NME9: variants seen among roughly 807,000 people sequenced by gnomAD.
NME9 encodes thioredoxin domain-containing protein 6.
A neutral mutation model predicts 44.4 loss-of-function variants in NME9; 48 were observed. The observed-to-expected ratio is 1.08, with a 90% confidence interval of 0.86 to 1.37. The LOEUF (loss-of-function observed/expected upper bound fraction) is 1.37, where lower values mean the gene tolerates loss of function less well. NME9 is among the 40% of genes most tolerant of loss of function. The probability of loss-of-function intolerance (pLI) is 0.00; values close to 1 mark genes in which losing one functional copy is unlikely to be tolerated. For synonymous variants in NME9, 139 were observed against 147.1 expected (o/e 0.94, Z 0.40); for missense variants, 325 against 405.2 (o/e 0.80, Z 1.70).
chr3:138,329,437 T>C lies in NME9; in HGVS notation c.-102A>G. The C allele has an allele frequency of 6.6e-7, 1 of 1,522,830 alleles. No individual in the cohort carries two copies. The highest frequency in any genetic ancestry group is 2.5e-5 in the East Asian group (1 of 40,390). The allele number at this position is 1,522,830 out of a possible 1,614,324, so 94.3% of individuals were successfully genotyped here. On this transcript the variant is annotated 5_prime_UTR_variant, in exon 1 of 11. Coordinates refer to ENST00000333911, the MANE Select transcript of NME9 (RefSeq NM_001349018.2). ...TGGATCAGCAAGCCCAGAGCCTCCT[T>C]CAGACAAGCCCCCCTCCTACGGCCC...
chr3:138,323,749 G>GCA (rs2053605825), intron 2 of NME9, among the ~76,000 whole-genome samples: 1 of 152,164 alleles, frequency 6.6e-6, no homozygotes, highest in Admixed American at 6.5e-5. Flanking sequence ...TCAGATACAA[G>GCA]CACACTGAGC....
intron 8 of NME9, among the ~76,000 whole-genome samples, chr3:138,305,386 A>G (rs575838031): frequency 1.1e-4 from 16 of 152,316 alleles, no homozygotes; most frequent in African/African-American, 3.4e-4. Flanking sequence ...GCTGAAATAT[A>G]GTTGGTACTT....
chr3:138,322,352 A>G (rs1440888370), intron 2 of NME9, among the ~76,000 whole-genome samples: 2 of 141,424 alleles, frequency 1.4e-5, no homozygotes, highest in Non-Finnish European at 1.5e-5. Flanking sequence ...GCACCTTCAC[A>G]AAGTTATGGA....
intron 8 of NME9, chr3:138,274,520 A>G (rs1172495459): frequency 6.2e-7 from 1 of 1,613,090 alleles, no homozygotes; most frequent in African/African-American, 1.3e-5. Context: ...TAGAAGGGGA[A>G]CATAACATTG....
At chr3:138,325,063 ATCT>A (rs1163924856) in intron 1 of NME9, 133 bp from the exon 2 acceptor site, 1 of 701,482 alleles carries the variant, frequency 1.4e-6, no homozygotes, top group South Asian at 1.8e-5. Context: ...CCTCTCCCCC[ATCT>A]TCTTTTCTCC....
intron 2 of NME9, chr3:138,324,504 A>T (rs1482058437): frequency 1.1e-5 from 5 of 466,368 alleles, no homozygotes; most frequent in Non-Finnish European, 2.1e-5. Flanking sequence ...CTGCAGTCCC[A>T]GGTTCAAGTC....
At chr3:138,270,760 T>A (rs1050167353) in intron 8 of NME9, among the ~76,000 whole-genome samples, 1 of 152,186 alleles carries the variant, frequency 6.6e-6, no homozygotes, top group Non-Finnish European at 1.5e-5. Flanking sequence ...TTTTTAACAG[T>A]TTCTAGTAAA....
At chr3:138,265,396 A>G (rs1011097435) in intron 8 of NME9, among the ~76,000 whole-genome samples, 12 of 152,172 alleles carry the variant, frequency 7.9e-5, no homozygotes, top group Non-Finnish European at 2.9e-5. Context: ...AAGTGATCAT[A>G]TACCTTGCAT....
chr3:138,305,070 T>C, intron 8 of NME9, 43 bp from the exon 9 acceptor site: 1 of 1,582,356 alleles, frequency 6.3e-7, no homozygotes, highest in South Asian at 1.1e-5. Flanking sequence ...CAGGAGCTGC[T>C]AGGGCCTGCA....
intron 1 of NME9, among the ~76,000 whole-genome samples, chr3:138,327,713 G>A (rs1191875725): frequency 6.6e-6 from 1 of 152,096 alleles, no homozygotes; most frequent in African/African-American, 2.4e-5. Context: ...ACCTTATAGA[G>A]AGGTGACCTT....
intron 8 of NME9, among the ~76,000 whole-genome samples, chr3:138,291,261 A>T (rs1373506792): frequency 6.6e-6 from 1 of 152,236 alleles, no homozygotes; most frequent in African/African-American, 2.4e-5. Context: ...AGCATGGCTT[A>T]GAAGCCCTTC....
At chr3:138,261,679 T>C (rs559312571) in exon 9 of NME9, 1 of 152,320 alleles carries the variant, frequency 6.6e-6, no homozygotes, top group South Asian at 2.1e-4. Context: ...GTTTGGACAC[T>C]TAAACGTCTT....
At position 138,290,882 on chromosome 3, in the gene NME9, G is replaced by C. The variant is rs569580705; in HGVS notation, c.745+12625C>G. Among the ~76,000 whole-genome samples, 396 of 152,302 alleles carry C rather than the reference G, an allele frequency of 2.6e-3. 8 individuals carry two copies. The highest frequency in any genetic ancestry group is 3.4e-4 in the Non-Finnish European group (23 of 68,036). On this transcript the variant is annotated intron_variant, in intron 8 of 8. Coordinates refer to the NME9 transcript ENST00000317876. Reference sequence around the variant, plus strand: ...TGAGTCTGGGCCATCTTAGTGGATTGGATCCAGAGGCCATTTGCGTACATT... The same window carrying C: ...TGAGTCTGGGCCATCTTAGTGGATTCGATCCAGAGGCCATTTGCGTACATT...
At chr3:138,327,648 A>G (rs1348990595) in intron 1 of NME9, among the ~76,000 whole-genome samples, 4 of 151,454 alleles carry the variant, frequency 2.6e-5, no homozygotes, top group African/African-American at 9.8e-5. Context: ...CCTTGCTGAG[A>G]GAGAGGACAA....
intron 8 of NME9, among the ~76,000 whole-genome samples, chr3:138,272,474 A>G (rs1361521847): frequency 6.6e-6 from 1 of 151,944 alleles, no homozygotes; most frequent in Non-Finnish European, 1.5e-5. Context: ...TCTAAGAGTA[A>G]CAGTTACGTT....
rs916658382 is a variant in NME9, at chr3:138,301,018, T to G, written c.*622A>C. On this transcript the variant is annotated 3_prime_UTR_variant, in exon 11 of 11. Transcript: ENST00000333911. ...AAATTGTTTAATTCATAAGGTAGATTTATTGTTGGGGAAACACCATCTCAT... is the reference window on the plus strand; with the variant it reads ...AAATTGTTTAATTCATAAGGTAGATGTATTGTTGGGGAAACACCATCTCAT... 3.1e-6 allele frequency: 3 copies of G among 971,592 alleles called. No individual in the cohort carries two copies. In the African/African-American group the frequency reaches 5.3e-5, roughly 17 times the overall value. 60.2% of individuals were successfully genotyped at this position (971,592 alleles called of 1,614,324 possible).
chr3:138,302,939 T>TC (rs2051947008), intron 10 of NME9, among the ~76,000 whole-genome samples: 1 of 152,252 alleles, frequency 6.6e-6, no homozygotes, highest in Admixed American at 6.5e-5. Context: ...CTTGGGGTTC[T>TC]CACCCAGATT....
chr3:138,329,169 C>A, intron 1 of NME9, 134 bp downstream of exon 1: 1 of 778,182 alleles, frequency 1.3e-6, no homozygotes, highest in Non-Finnish European at 2.0e-6. Flanking sequence ...AAGGGTACAT[C>A]ACTCAAGTTT....
At chr3:138,310,061 A>G (rs2052586232) in intron 6 of NME9, among the ~76,000 whole-genome samples, 1 of 152,116 alleles carries the variant, frequency 6.6e-6, no homozygotes, top group African/African-American at 2.4e-5. Flanking sequence ...TATGCTGCCT[A>G]CAAGAAACCC....
Sources: gnomAD v4.1 joint callset for allele counts (sites outside exome capture counted in the v4.1 genomes callset) on GRCh38, gnomAD v4.1.1 for gene constraint, MANE v1.5 for transcripts, NCBI Gene and HGNC (gene_info 2026-07-23, HGNC 2026-07-21) for gene names.